The following ACTL8 variants were observed in gnomAD, a reference collection of about 807,000 sequenced individuals.
ACTL8 encodes the protein actin-like protein 8.
ACTL8 carries 3 observed loss-of-function variants against 9.3 expected under a neutral mutation model. That is an observed-to-expected ratio of 0.32 (90% CI 0.15 to 0.83). ACTL8 has a LOEUF of 0.83. ACTL8 is among the 40% of genes least tolerant of loss of function. The pLI is 0.57. For missense variants in ACTL8, 381 were observed against 492.2 expected, an observed-to-expected ratio of 0.77 and a Z score of 2.14; for synonymous variants, 224 against 205.9, an observed-to-expected ratio of 1.09 and a Z score of -0.75.
At chr1:17,779,562 A>T (rs1014718269) in intron 1 of ACTL8, among the ~76,000 whole-genome samples, 19 of 152,150 alleles carry the variant, frequency 1.2e-4, no homozygotes, top group South Asian at 2.1e-4. Context: ...GGCTTAAAAT[A>T]CCCAAGTCTG....
At chr1:17,792,986 C>G (rs1014280380) in intron 1 of ACTL8, among the ~76,000 whole-genome samples, 2 of 152,116 alleles carry the variant, frequency 1.3e-5, no homozygotes, top group Non-Finnish European at 2.9e-5. Flanking sequence ...TTTTGGGAAC[C>G]AAAGGCTTCT....
chr1:17,811,894 G>T (rs2066394935), intron 1 of ACTL8, among the ~76,000 whole-genome samples: 1 of 151,198 alleles, frequency 6.6e-6, no homozygotes. Flanking sequence ...TTGAGACAGG[G>T]TCTGGCTGTG....
chr1:17,825,889 G>T lies in ACTL8; in HGVS notation c.471G>T (p.Val157=). The T allele has an allele frequency of 6.2e-7, 1 of 1,613,614 alleles. No homozygotes were observed. Among genetic ancestry groups the T allele is most frequent in the South Asian group, 1.1e-5 (1 of 91,088 alleles). ...ATTCTGGCTATGGCCTGACCCGCGTGCAGCCTTTCCACCAGGGCCGCCCCT... is the reference window on the plus strand; with the variant it reads ...ATTCTGGCTATGGCCTGACCCGCGTTCAGCCTTTCCACCAGGGCCGCCCCT... ...VVDSGYGLTR[V]QPFHQGRPLP... is the part of the protein sequence containing the mutation. Residue 157 remains valine (V), a synonymous_variant, in exon 3 of 3, where the codon GTG becomes GTT. Coordinates refer to ENST00000375406, the MANE Select transcript of ACTL8 (RefSeq NM_030812.3).
At chr1:17,805,249 T>C (rs946057737) in intron 1 of ACTL8, among the ~76,000 whole-genome samples, 1 of 152,150 alleles carries the variant, frequency 6.6e-6, no homozygotes, top group Non-Finnish European at 1.5e-5. Flanking sequence ...CTTGGCCAAC[T>C]GGGACCCTCC....
intron 1 of ACTL8, among the ~76,000 whole-genome samples, chr1:17,757,557 TAAG>T (rs1325119960): frequency 6.7e-6 from 1 of 150,208 alleles, no homozygotes. Flanking sequence ...TTTTCTCTGT[TAAG>T]AAACCCTGTG....
chr1:17,803,397 C>G (rs555330491), intron 1 of ACTL8, among the ~76,000 whole-genome samples: 1 of 152,332 alleles, frequency 6.6e-6, no homozygotes, highest in African/African-American at 2.4e-5. Flanking sequence ...GTGGTGCAGT[C>G]TCAGCTCACT....
At chr1:17,819,100 G>C (rs2053624161) in intron 1 of ACTL8, among the ~76,000 whole-genome samples, 1 of 152,228 alleles carries the variant, frequency 6.6e-6, no homozygotes, top group Admixed American at 6.5e-5. Flanking sequence ...CCAACCTGGA[G>C]TCCTTTTCCA....
At chr1:17,809,295 A>G (rs1480496288) in intron 1 of ACTL8, among the ~76,000 whole-genome samples, 2 of 152,156 alleles carry the variant, frequency 1.3e-5, no homozygotes, top group African/African-American at 4.8e-5. Flanking sequence ...AGTCAATGCA[A>G]TATTGGGTTG....
At chr1:17,760,284 TAGA>T (rs1172078502) in intron 1 of ACTL8, among the ~76,000 whole-genome samples, 2 of 152,186 alleles carry the variant, frequency 1.3e-5, no homozygotes, top group Admixed American at 6.5e-5. Flanking sequence ...ATGTGGGTCT[TAGA>T]AGGAGTGAAT....
intron 1 of ACTL8, among the ~76,000 whole-genome samples, chr1:17,791,757 AT>A (rs1285605427): frequency 1.3e-5 from 2 of 152,166 alleles, no homozygotes; most frequent in Non-Finnish European, 2.9e-5. Flanking sequence ...ATGGTGCCTA[AT>A]TTTGCCCTGG....
chr1:17,770,938 G>A (rs562298827), intron 1 of ACTL8, among the ~76,000 whole-genome samples: 2 of 152,290 alleles, frequency 1.3e-5, no homozygotes, highest in East Asian at 3.9e-4. Flanking sequence ...CCGCTGTGAG[G>A]CTGGGGGCGC....
intron 1 of ACTL8, among the ~76,000 whole-genome samples, chr1:17,818,674 C>T (rs2053617393): frequency 6.6e-6 from 1 of 152,196 alleles, no homozygotes; most frequent in Non-Finnish European, 1.5e-5. Context: ...CAGTTTTCTG[C>T]TCAGATGTCA....
chr1:17,823,238 G>A lies in ACTL8; in HGVS notation c.230G>A (p.Gly77Asp), dbSNP rs1407341997. Residue 77 changes from glycine (G) to aspartate (D), a missense_variant, in exon 2 of 3, where the codon GGT becomes GAT. Physicochemically the swap from Gly to Asp is moderately conservative, Grantham distance 94. This residue lies in a region of ACTL8 where 125 missense variants were observed against 180.7 expected (regional missense o/e 0.69). Transcript: ENST00000375406. This position sits in a 1 kb window ranked among gnomAD's most constrained non-coding sequence, Gnocchi z 5.3. Reference sequence around the variant, plus strand: ...CGGGGCCGCATCCTCAACTGGGAGGGTGTGCAGTACCTCTGGTCATTTGTG... The same window carrying A: ...CGGGGCCGCATCCTCAACTGGGAGGATGTGCAGTACCTCTGGTCATTTGTG... ...IERGRILNWE[G>D]VQYLWSFVLE... is the part of the protein sequence containing the mutation. 1 of 1,614,192 alleles carries A rather than the reference G, an allele frequency of 6.2e-7. No homozygotes were observed.
At position 17,762,266 on chromosome 1, in the gene ACTL8, C is replaced by G. The variant is rs532612579; in HGVS notation, c.-25+6762C>G. On this transcript the variant is annotated intron_variant, in intron 1 of 2. Coordinates refer to ENST00000375406, the MANE Select transcript of ACTL8 (RefSeq NM_030812.3). ...GCTCCGGGGCCTGAGACTCTGAGGT[C>G]GTGCAGCAAATTCGTGGCAGGTCCA... is the stretch of plus-strand genomic sequence containing the variant. Among the ~76,000 whole-genome samples, 13 of 152,150 alleles carry G rather than the reference C, an allele frequency of 8.5e-5. No homozygotes were observed. In the East Asian group the frequency reaches 2.3e-3, roughly 27 times the overall value.
chr1:17,781,448 A>G (rs2066154350), intron 1 of ACTL8, among the ~76,000 whole-genome samples: 1 of 152,058 alleles, frequency 6.6e-6, no homozygotes, highest in South Asian at 2.1e-4. Flanking sequence ...CATGTTGGCC[A>G]GGCTGGTCTT....
At chr1:17,809,798 A>C (rs1422728825) in intron 1 of ACTL8, among the ~76,000 whole-genome samples, 1 of 152,126 alleles carries the variant, frequency 6.6e-6, no homozygotes, top group African/African-American at 2.4e-5. Context: ...GGTGATTTGT[A>C]TAATTATTTC....
At position 17,774,004 on chromosome 1, in the gene ACTL8, G is replaced by A. The variant is rs559065625; in HGVS notation, c.-25+18500G>A. 4.6e-5 allele frequency among the ~76,000 whole-genome samples: 7 copies of A among 152,276 alleles called. No individual in the cohort carries two copies. The South Asian group carries it at 1.5e-3, about 32-fold the overall frequency. ...TGGGCATACAGGTGGGTAGACTGAG[G>A]CCAGATGGTGCAGGGGTTGGCCTGA... On this transcript the variant is annotated intron_variant, in intron 1 of 2. Transcript: ENST00000375406.
In ACTL8 at chr1:17,826,397, G is replaced by C. The variant is rs762198662; in HGVS notation, c.979G>C (p.Val327Leu). The change falls in exon 3 of 3, where the codon GTC becomes CTC. Residue 327 changes from valine to leucine, a missense_variant. By Grantham distance (32) the Val-to-Leu change is conservative (BLOSUM62 1). Transcript: ENST00000375406. This position sits in a 1 kb window ranked among gnomAD's most constrained non-coding sequence, Gnocchi z 4.5. The stretch of plus-strand genomic sequence containing the variant: ...TCACGTCTCCTCCACCAAGGCCACA[G>C]TCTGGGAGGGTTCCAATAGAAACTT... ...GDHVSSTKAT[V>L]WEGSNRNFSV... 1 of 1,614,152 alleles carries C rather than the reference G, an allele frequency of 6.2e-7. No homozygotes were observed. Among genetic ancestry groups the C allele is most frequent in the South Asian group, 1.1e-5 (1 of 91,068 alleles).
intron 1 of ACTL8, among the ~76,000 whole-genome samples, chr1:17,799,238 A>C (rs11582475): frequency 1.3e-5 from 2 of 152,100 alleles, no homozygotes; most frequent in African/African-American, 4.8e-5. Context: ...GCTCACTCCC[A>C]CCAGCGGGGT....
Sources: gnomAD v4.1 joint callset for allele counts (sites outside exome capture counted in the v4.1 genomes callset) on GRCh38, gnomAD v4.1.1 for gene constraint, gnomAD v4.1.1 regional missense constraint, Gnocchi (gnomAD v3.1) non-coding constraint, MANE v1.5 for transcripts, NCBI Gene and HGNC (gene_info 2026-07-23, HGNC 2026-07-21) for gene names.